Variants in GATA5 observed in about 807,000 individuals in gnomAD.
GATA5 encodes the protein transcription factor GATA-5.
GATA5 carries 27 observed loss-of-function variants against 35.0 expected under a neutral mutation model. The observed-to-expected ratio is 0.77, with a 90% CI of 0.57 to 1.06. The LOEUF (loss-of-function observed/expected upper bound fraction) is 1.06. Among genes scored for constraint, GATA5 ranks in the 50% least tolerant of loss-of-function variants. GATA5 has a pLI of 0.00. For synonymous variants in GATA5, 306 were observed against 267.8 expected (o/e 1.14, Z -1.39); for missense variants, 612 against 580.0 (o/e 1.06, Z -0.57).
chr20:62,473,356 C>CG, intron 3 of GATA5, 47 bp downstream of exon 3: 1 of 1,562,076 alleles, frequency 6.4e-7, no homozygotes, highest in Admixed American at 1.9e-5. Flanking sequence ...GAGGTCCCCT[C>CG]GGGGGAGCAC....
In GATA5 at chr20:62,465,769, C is replaced by T. The variant is rs562957988; in HGVS notation, c.913+65G>A. 2.2e-5 allele frequency: 27 copies of T among 1,241,894 alleles called. No homozygotes were observed. The East Asian group carries it at 2.5e-4, about 12-fold the overall frequency. 76.9% of individuals were successfully genotyped at this position (1,241,894 alleles called of 1,614,324 possible). ...AACCAAACACACAGGTCTCTCATGA[C>T]GGAACTGGAGGCACCGAAGGCCACT... On this transcript the variant is annotated intron_variant, in intron 5 of 6. Transcript: ENST00000252997.
intron 3 of GATA5, 135 bp from the exon 4 acceptor site, chr20:62,466,686 C>T (rs782068632): frequency 7.1e-6 from 7 of 986,218 alleles, no homozygotes; most frequent in Admixed American, 2.6e-5. Context: ...GCAATGGCCT[C>T]GCCTGGCAGC....
intron 4 of GATA5, among the ~76,000 whole-genome samples, 191 bp from the exon 5 acceptor site, chr20:62,466,112 C>G (rs1268362367): frequency 1.3e-5 from 2 of 152,346 alleles, no homozygotes; most frequent in South Asian, 2.1e-4. Flanking sequence ...CCCATTCCCC[C>G]GTCCGACAGA....
At chr20:62,471,448 T>TTTTTTTTTTTTTG (rs1216745509) in intron 3 of GATA5, among the ~76,000 whole-genome samples, 2 of 142,370 alleles carry the variant, frequency 1.4e-5, no homozygotes, top group African/African-American at 2.6e-5. Flanking sequence ...TTTTTTTTTT[T>TTTTTTTTTTTTTG]TGTGATGAGG....
intron 2 of GATA5, 89 bp downstream of exon 2, chr20:62,474,910 G>T: frequency 8.9e-7 from 1 of 1,126,666 alleles, no homozygotes; most frequent in Non-Finnish European, 1.1e-6. Flanking sequence ...GACCGTGGGG[G>T]AGGATGAGGG....
chr20:62,468,707 C>CA (rs1331361774), intron 3 of GATA5, among the ~76,000 whole-genome samples: 1 of 152,258 alleles, frequency 6.6e-6, no homozygotes, highest in East Asian at 1.9e-4. Context: ...CTGCGGAGGA[C>CA]AATGTCTCCC....
In GATA5 at chr20:62,464,827, C is replaced by T; in HGVS notation, c.*9G>A. 1.3e-6 allele frequency: 2 copies of T among 1,581,774 alleles called. No individual in the cohort carries two copies. The highest frequency in any genetic ancestry group is 1.4e-5 in the African/African-American group (1 of 73,522). ...AGGCTGTTCCCCTGACATGGGCTGG[C>T]CTGGGGACCTAGGCCAAGGCCAGCG... is the stretch of plus-strand genomic sequence containing the variant. On this transcript the variant is annotated 3_prime_UTR_variant, in exon 7 of 7. Coordinates refer to ENST00000252997, the MANE Select transcript of GATA5 (RefSeq NM_080473.5).
intron 2 of GATA5, among the ~76,000 whole-genome samples, chr20:62,474,305 TCGCCC>T (rs1256187593): frequency 6.6e-6 from 1 of 152,076 alleles, no homozygotes; most frequent in Non-Finnish European, 1.5e-5. Flanking sequence ...GGATCAATCA[TCGCCC>T]CGCCGGGGGT....
chr20:62,465,284 C>A (rs782338677), intron 6 of GATA5, 56 bp downstream of exon 6: 1 of 1,531,488 alleles, frequency 6.5e-7, no homozygotes, highest in East Asian at 2.3e-5. Context: ...TCTGACTTGG[C>A]GGAGGAAGCA....
In GATA5 at chr20:62,465,612, C is replaced by T. The variant is rs112618954; in HGVS notation, c.914-148G>A. 158,959 of 1,159,718 alleles carry T rather than the reference C, an allele frequency of 0.14. 12,644 individuals are homozygous for T. Among genetic ancestry groups the T allele is most frequent in the Middle Eastern group, 0.26 (1,208 of 4,578 alleles). The allele number at this position is 1,159,718 out of a possible 1,614,324, so 71.8% of individuals were successfully genotyped here. A position where few individuals can be genotyped will look rare whatever the true frequency, so the allele number is the denominator to read the frequency against. On this transcript the variant is annotated intron_variant, in intron 5 of 6. Coordinates refer to ENST00000252997, the MANE Select transcript of GATA5 (RefSeq NM_080473.5). ...CGCAGGCGTGGGTGGTGTGGCCGGG[C>T]GTGGCTTCTTTGGCCCCACCTCTGC...
intron 2 of GATA5, among the ~76,000 whole-genome samples, chr20:62,474,580 C>A (rs945688879): frequency 6.6e-6 from 1 of 152,246 alleles, no homozygotes; most frequent in Non-Finnish European, 1.5e-5. Context: ...CAAACTGATA[C>A]TCGGGAAGCG....
In GATA5 at chr20:62,464,789, G is replaced by C; in HGVS notation, c.*47C>G. On this transcript the variant is annotated 3_prime_UTR_variant, in exon 7 of 7. Coordinates refer to ENST00000252997, the MANE Select transcript of GATA5 (RefSeq NM_080473.5). Reference sequence around the variant, plus strand: ...AAGCAGGCACGGAGGTGACTCAGTGGGTGGTCTGTTCCAGGCTGTTCCCCT... The same window carrying C: ...AAGCAGGCACGGAGGTGACTCAGTGCGTGGTCTGTTCCAGGCTGTTCCCCT... The C allele has an allele frequency of 6.7e-7, 1 of 1,491,766 alleles. No individual in the cohort carries two copies. Among genetic ancestry groups the C allele is most frequent in the Non-Finnish European group, 9.0e-7 (1 of 1,113,456 alleles). The allele number at this position is 1,491,766 out of a possible 1,614,324, so 92.4% of individuals were successfully genotyped here.
rs1555895845 is a variant in GATA5, at chr20:62,464,829, T to A, written c.*7A>T. ...GCTGTTCCCCTGACATGGGCTGGCCTGGGGACCTAGGCCAAGGCCAGCGCA... is the reference window on the plus strand; with the variant it reads ...GCTGTTCCCCTGACATGGGCTGGCCAGGGGACCTAGGCCAAGGCCAGCGCA... On this transcript the variant is annotated 3_prime_UTR_variant, in exon 7 of 7. Coordinates refer to ENST00000252997, the MANE Select transcript of GATA5 (RefSeq NM_080473.5). 6.3e-7 allele frequency: 1 copy of A among 1,583,374 alleles called. No homozygotes were observed. Among genetic ancestry groups the A allele is most frequent in the Admixed American group, 1.8e-5 (1 of 55,790 alleles).
intron 2 of GATA5, 78 bp from the exon 3 acceptor site, chr20:62,473,656 C>G: frequency 2.1e-6 from 3 of 1,413,924 alleles, no homozygotes; most frequent in Non-Finnish European, 1.9e-6. Flanking sequence ...GGCACCCTCC[C>G]CTCCCCAGGA....
Position 62,464,658 on chromosome 20 carries a change from G to T in GATA5, c.*178C>A. 1 of 511,916 alleles carries T rather than the reference G, an allele frequency of 2.0e-6. No homozygotes were observed. Among genetic ancestry groups the T allele is most frequent in the Non-Finnish European group, 3.3e-6 (1 of 301,034 alleles). 31.7% of individuals were successfully genotyped at this position (511,916 alleles called of 1,614,324 possible). A position where few individuals can be genotyped will look rare whatever the true frequency, so the allele number is the denominator to read the frequency against. ...TCCCTCACCAGCCTTCTTGCTCTGG[G>T]GCCCGACTGCCGTCTGTCCAGAAGG... is the stretch of plus-strand genomic sequence containing the variant. On this transcript the variant is annotated 3_prime_UTR_variant, in exon 7 of 7. Transcript: ENST00000252997.
chr20:62,474,701 T>A (rs1989808994), intron 2 of GATA5, among the ~76,000 whole-genome samples: 1 of 152,270 alleles, frequency 6.6e-6, no homozygotes, highest in South Asian at 2.1e-4. Context: ...TCCAAAACTT[T>A]TCAAAAACAA....
At chr20:62,468,397 G>T (rs1316239374) in intron 3 of GATA5, among the ~76,000 whole-genome samples, 1 of 152,236 alleles carries the variant, frequency 6.6e-6, no homozygotes, top group African/African-American at 2.4e-5. Flanking sequence ...CCCCCAGGCT[G>T]CTGCCAAGGG....
At chr20:62,469,925 G>A (rs374652831) in intron 3 of GATA5, among the ~76,000 whole-genome samples, 13 of 152,298 alleles carry the variant, frequency 8.5e-5, no homozygotes, top group Admixed American at 6.5e-5. Context: ...GCTTGCCCGC[G>A]CTGGGGCTCC....
At chr20:62,473,144 GC>G (rs1470602293) in intron 3 of GATA5, among the ~76,000 whole-genome samples, 1 of 152,226 alleles carries the variant, frequency 6.6e-6, no homozygotes, top group Non-Finnish European at 1.5e-5. Flanking sequence ...TGGGCTCCTG[GC>G]CCCCAGAGCG....
Sources: allele counts gnomAD v4.1 joint callset (sites outside exome capture counted in the v4.1 genomes callset), GRCh38; gene constraint gnomAD v4.1.1; transcripts MANE v1.5; gene names NCBI Gene and HGNC (gene_info 2026-07-23, HGNC 2026-07-21).